Variants in CDH13 observed in about 807,000 individuals in gnomAD.
The protein encoded by CDH13 is cadherin 13.
In CDH13, 24 loss-of-function variants were observed where a neutral mutation model predicts 63.8. That is an observed-to-expected ratio of 0.38 (90% CI 0.27 to 0.53). The LOEUF is 0.53. CDH13 is among the 20% of genes least tolerant of loss of function. CDH13 has a pLI of 0.85. For synonymous variants in CDH13, 503 were observed against 355.3 expected (o/e 1.42, Z -4.67); for missense variants, 1,049 against 903.1 (o/e 1.16, Z -2.07).
chr16:83,316,361 G>A (rs1278046821), intron 5 of CDH13, among the ~76,000 whole-genome samples: 1 of 152,172 alleles, frequency 6.6e-6, no homozygotes, highest in Non-Finnish European at 1.5e-5. Flanking sequence ...TAGTGGAGGG[G>A]GAATCTAGTT....
At chr16:82,930,960 C>G (rs1165671328) in intron 2 of CDH13, among the ~76,000 whole-genome samples, 1 of 152,222 alleles carries the variant, frequency 6.6e-6, no homozygotes, top group East Asian at 1.9e-4. Flanking sequence ...GTCATTTCCC[C>G]ACAGGGGCAG....
chr16:83,743,768 C>CTTTTTTT (rs57379661), intron 10 of CDH13, among the ~76,000 whole-genome samples: 2 of 106,076 alleles, frequency 1.9e-5, no homozygotes, highest in Admixed American at 1.3e-4. Context: ...TTTTTTTTTT[C>CTTTTTTT]TTTGCTTTTT....
intron 8 of CDH13, among the ~76,000 whole-genome samples, chr16:83,652,161 G>C (rs984662463): frequency 1.3e-5 from 2 of 152,212 alleles, no homozygotes; most frequent in Non-Finnish European, 2.9e-5. Context: ...GGGTCTATTT[G>C]AAATGGGAAT....
At chr16:83,298,047 C>CAA (rs71382871) in intron 5 of CDH13, among the ~76,000 whole-genome samples, 12 of 99,776 alleles carry the variant, frequency 1.2e-4, no homozygotes, top group African/African-American at 1.5e-4. Flanking sequence ...CTTGTTTCTA[C>CAA]AAAAAAAAAA....
At chr16:82,954,710 C>T (rs1165902136) in intron 2 of CDH13, 4 of 151,272 alleles carry the variant, frequency 2.6e-5, no homozygotes, top group Middle Eastern at 3.4e-3. Flanking sequence ...ATTGTGCAAC[C>T]GTCGCCACAA....
chr16:82,660,100 C>T (rs1480253945), intron 1 of CDH13, among the ~76,000 whole-genome samples: 2 of 152,124 alleles, frequency 1.3e-5, no homozygotes, highest in Non-Finnish European at 2.9e-5. Flanking sequence ...GAAAGTAATA[C>T]TGCATTTATT....
chr16:83,511,100 A>G (rs9932467), intron 7 of CDH13, among the ~76,000 whole-genome samples: 16 of 114,468 alleles, frequency 1.4e-4, no homozygotes, highest in South Asian at 1.2e-3. Flanking sequence ...ACACATGCAC[A>G]CATGCACGCA....
intron 2 of CDH13, among the ~76,000 whole-genome samples, chr16:82,893,229 A>G (rs1283446422): frequency 2.0e-5 from 3 of 152,264 alleles, no homozygotes; most frequent in Non-Finnish European, 4.4e-5. Context: ...TTAATACCTT[A>G]TAAAATCACA....
intron 2 of CDH13, among the ~76,000 whole-genome samples, chr16:83,016,488 A>T (rs892839992): frequency 6.6e-6 from 1 of 152,202 alleles, no homozygotes; most frequent in Admixed American, 6.5e-5. Context: ...GCCCTCAAGG[A>T]TCTTCCAGAT....
At chr16:83,117,601 T>A (rs756037696) in intron 3 of CDH13, among the ~76,000 whole-genome samples, 3 of 152,142 alleles carry the variant, frequency 2.0e-5, no homozygotes, top group African/African-American at 7.2e-5. Context: ...CACTGCACCA[T>A]CCGAGATGCC....
chr16:83,241,903 C>T (rs1324203361), intron 5 of CDH13, among the ~76,000 whole-genome samples: 1 of 152,116 alleles, frequency 6.6e-6, no homozygotes, highest in African/African-American at 2.4e-5. Flanking sequence ...TATAAGAAAT[C>T]ATTGTAAAAT....
intron 2 of CDH13, among the ~76,000 whole-genome samples, chr16:82,942,587 C>T (rs1349669579): frequency 6.6e-6 from 1 of 152,162 alleles, no homozygotes; most frequent in Non-Finnish European, 1.5e-5. Flanking sequence ...GCATGCCCTG[C>T]TTGGCAGTTT....
intron 3 of CDH13, among the ~76,000 whole-genome samples, chr16:83,118,265 G>C (rs988310898): frequency 5.9e-5 from 9 of 152,258 alleles, no homozygotes; most frequent in Admixed American, 3.9e-4. Flanking sequence ...TGACTGAGGG[G>C]ATTGTGTTCA....
intron 3 of CDH13, among the ~76,000 whole-genome samples, chr16:83,041,684 G>A (rs1343229484): frequency 1.3e-5 from 2 of 152,134 alleles, no homozygotes; most frequent in African/African-American, 4.8e-5. Flanking sequence ...AATTTTTGTG[G>A]ATGATACTAA....
chr16:83,666,888 T>A (rs552846490), intron 8 of CDH13, among the ~76,000 whole-genome samples: 1 of 152,280 alleles, frequency 6.6e-6, no homozygotes, highest in Non-Finnish European at 1.5e-5. Context: ...TCTTGACAAT[T>A]AACACGTTGT....
At chr16:83,044,049 G>A (rs565159647) in intron 3 of CDH13, among the ~76,000 whole-genome samples, 2 of 152,218 alleles carry the variant, frequency 1.3e-5, no homozygotes, top group African/African-American at 4.8e-5. Flanking sequence ...TTTTTTGAAA[G>A]GATGGAAAGG....
intron 7 of CDH13, among the ~76,000 whole-genome samples, chr16:83,511,497 A>G (rs7499216): frequency 0.068 from 10,388 of 151,936 alleles, 402 homozygotes; most frequent in Middle Eastern, 0.15. Context: ...TCACTCACAT[A>G]TACACTCACA....
At chr16:83,712,145 A>G (rs1207643670) in intron 10 of CDH13, among the ~76,000 whole-genome samples, 1 of 152,232 alleles carries the variant, frequency 6.6e-6, no homozygotes, top group Non-Finnish European at 1.5e-5. Flanking sequence ...TAAGACAATC[A>G]TACTGTGAGG....
At chr16:83,467,894 T>A (rs1048448886) in intron 6 of CDH13, among the ~76,000 whole-genome samples, 1 of 152,212 alleles carries the variant, frequency 6.6e-6, no homozygotes, top group Admixed American at 6.5e-5. Flanking sequence ...AACAGTCCGT[T>A]TGACAGGGTG....
Sources: allele counts gnomAD v4.1 joint callset (sites outside exome capture counted in the v4.1 genomes callset), GRCh38; gene constraint gnomAD v4.1.1; transcripts MANE v1.5; gene names NCBI Gene and HGNC (gene_info 2026-07-23, HGNC 2026-07-21).